SYT16: variants seen among roughly 807,000 people sequenced by gnomAD.
The protein encoded by SYT16 is synaptotagmin-16.
Under a neutral mutation model 61.4 loss-of-function variants are expected in SYT16, and 42 were observed. That is an observed-to-expected ratio of 0.68 (90% CI 0.53 to 0.89). The LOEUF is 0.89. Among genes scored for constraint, SYT16 ranks in the 40% least tolerant of loss-of-function variants. The pLI is 0.00. For synonymous variants in SYT16, 314 were observed against 302.3 expected (o/e 1.04, Z -0.40); for missense variants, 804 against 807.3 (o/e 1.00, Z 0.05).
chr14:62,000,926 A>G (rs906710259), intron 3 of SYT16, among the ~76,000 whole-genome samples: 2 of 152,052 alleles, frequency 1.3e-5, no homozygotes, highest in African/African-American at 4.8e-5. Context: ...ACTATTGGTT[A>G]TCTCTTAGAA....
intron 1 of SYT16, among the ~76,000 whole-genome samples, chr14:61,835,158 A>G (rs537607180): frequency 2.8e-4 from 42 of 152,170 alleles, no homozygotes; most frequent in Non-Finnish European, 4.7e-4. Flanking sequence ...ATAGGCTGCT[A>G]CTTTGAGCAG....
chr14:62,009,939 A>G (rs2053377912), intron 3 of SYT16, among the ~76,000 whole-genome samples: 1 of 152,172 alleles, frequency 6.6e-6, no homozygotes, highest in Non-Finnish European at 1.5e-5. Context: ...TAGGGGTGCT[A>G]GCTGCTTCAT....
intron 2 of SYT16, among the ~76,000 whole-genome samples, chr14:61,978,624 A>C (rs1350036701): frequency 6.6e-6 from 1 of 152,208 alleles, no homozygotes; most frequent in Non-Finnish European, 1.5e-5. Context: ...GTGGAGAACC[A>C]TTGATGAAAA....
At chr14:62,033,936 G>T (rs1344385989) in intron 3 of SYT16, among the ~76,000 whole-genome samples, 1 of 151,776 alleles carries the variant, frequency 6.6e-6, no homozygotes, top group African/African-American at 2.4e-5. Flanking sequence ...AAAGAATGAG[G>T]GAAAGCACTT....
chr14:61,922,306 G>A (rs540088050), intron 1 of SYT16, among the ~76,000 whole-genome samples: 35 of 152,272 alleles, frequency 2.3e-4, no homozygotes, highest in Non-Finnish European at 4.0e-4. Flanking sequence ...TGGCAGATTG[G>A]ATAAAGAAAA....
chr14:61,977,549 T>C (rs1014567548), intron 2 of SYT16, among the ~76,000 whole-genome samples: 6 of 152,118 alleles, frequency 3.9e-5, no homozygotes, highest in Admixed American at 3.3e-4. Flanking sequence ...ACTCACTCAC[T>C]ATCATGAGAA....
At position 62,107,513 on chromosome 14, in the gene SYT16, A is replaced by G. The variant is rs1204010696; in HGVS notation, c.*6806A>G. ...GGGTTGGAGAATGGCAGATGGATAA[A>G]ATAGTTTAAGTTCAACAATATTTTT... On this transcript the variant is annotated 3_prime_UTR_variant, in exon 8 of 8. Transcript: ENST00000683842. 6.6e-6 allele frequency: 1 copy of G among 152,194 alleles called. No individual in the cohort carries two copies. Among genetic ancestry groups the G allele is most frequent in the Non-Finnish European group, 1.5e-5 (1 of 68,022 alleles). 9.4% of individuals were successfully genotyped at this position (152,194 alleles called of 1,614,324 possible). A position where few individuals can be genotyped will look rare whatever the true frequency, so the allele number is the denominator to read the frequency against.
At chr14:61,864,912 G>A in intron 1 of SYT16, 4 of 1,263,470 alleles carry the variant, frequency 3.2e-6, no homozygotes, top group South Asian at 2.4e-5. Context: ...GGGATGCTCC[G>A]TGTCTTAACC....
intron 3 of SYT16, among the ~76,000 whole-genome samples, chr14:62,000,894 C>T (rs182028881): frequency 9.2e-5 from 14 of 152,068 alleles, no homozygotes; most frequent in South Asian, 4.1e-4. Flanking sequence ...ACGTATAATA[C>T]GCTGATACTG....
At chr14:62,078,172 A>ATATATAAACAC (rs2056576554) in intron 5 of SYT16, among the ~76,000 whole-genome samples, 2 of 128,786 alleles carry the variant, frequency 1.6e-5, no homozygotes, top group South Asian at 2.4e-4. Flanking sequence ...TATATATATA[A>ATATATAAACAC]ACACACACAC....
intron 1 of SYT16, among the ~76,000 whole-genome samples, chr14:61,959,428 T>G (rs1168858731): frequency 6.6e-6 from 1 of 152,164 alleles, no homozygotes; most frequent in Non-Finnish European, 1.5e-5. Flanking sequence ...TCTACTGTAC[T>G]TTTTTGTTAT....
rs2057508667 is a variant in SYT16 at position 62,106,128 on chromosome 14, C to T, written c.*5421C>T. 6.6e-6 allele frequency: 1 copy of T among 152,204 alleles called. No homozygotes were observed. Among genetic ancestry groups the T allele is most frequent in the South Asian group, 2.1e-4 (1 of 4,836 alleles). 9.4% of individuals were successfully genotyped at this position (152,204 alleles called of 1,614,324 possible). On this transcript the variant is annotated 3_prime_UTR_variant, in exon 8 of 8. Transcript: ENST00000683842. ...CTGGAGAATTATGTGAAGGTTGTTTCTCATTAATTCAAAATGTATTCATTG... is the reference window on the plus strand; with the variant it reads ...CTGGAGAATTATGTGAAGGTTGTTTTTCATTAATTCAAAATGTATTCATTG...
chr14:62,075,468 T>TAA lies in SYT16; in HGVS notation c.993+91_993+92dup, dbSNP rs35857227. On this transcript the variant is annotated intron_variant, in intron 5 of 7. Coordinates refer to ENST00000683842, the MANE Select transcript of SYT16 (RefSeq NM_001367656.1). ...TTTCCACTCTCCTTTCTCATCTCTC[T>TAA]AAAAAAAAAAAAAAATTCCAGAAAG... 10,890 of 1,153,362 alleles carry TAA rather than the reference T, an allele frequency of 9.4e-3. 5 individuals carry two copies. Among genetic ancestry groups the TAA allele is most frequent in the South Asian group, 0.019 (642 of 33,692 alleles). 71.4% of individuals were successfully genotyped at this position (1,153,362 alleles called of 1,614,324 possible). A position where few individuals can be genotyped will look rare whatever the true frequency, so the allele number is the denominator to read the frequency against.
At chr14:62,087,145 G>T (rs1343013940) in intron 7 of SYT16, among the ~76,000 whole-genome samples, 1 of 152,170 alleles carries the variant, frequency 6.6e-6, no homozygotes, top group Non-Finnish European at 1.5e-5. Flanking sequence ...TACATTTTTA[G>T]TTCCCATATG....
intron 1 of SYT16, among the ~76,000 whole-genome samples, chr14:61,857,827 C>T (rs1005524232): frequency 2.0e-5 from 3 of 151,980 alleles, no homozygotes; most frequent in Non-Finnish European, 4.4e-5. Flanking sequence ...AGCAATTCAT[C>T]TCTAATAAAA....
rs75484414 is a variant in SYT16, at chr14:62,072,962, A to G, written c.737-2173A>G. On this transcript the variant is annotated intron_variant, in intron 4 of 7. Transcript: ENST00000683842. ...GAAGCCAGGATACGTTTCTCTGACA[A>G]CAGGCAATTACTTTTGTGCGTCTAT... 5.4e-4 allele frequency among the ~76,000 whole-genome samples: 82 copies of G among 152,286 alleles called. 3 individuals carry two copies. In the East Asian group the frequency reaches 0.016, roughly 29 times the overall value.
intron 3 of SYT16, among the ~76,000 whole-genome samples, chr14:62,011,128 G>A (rs1179315541): frequency 6.6e-6 from 1 of 152,152 alleles, no homozygotes. Flanking sequence ...CTCAAATTAG[G>A]AATTTCTCGG....
intron 7 of SYT16, among the ~76,000 whole-genome samples, chr14:62,088,683 C>T (rs565683771): frequency 6.6e-6 from 1 of 152,076 alleles, no homozygotes; most frequent in East Asian, 1.9e-4. Flanking sequence ...AAATTTTTAG[C>T]ATTGAAGAGC....
intron 7 of SYT16, among the ~76,000 whole-genome samples, chr14:62,091,792 T>C (rs2057083886): frequency 6.6e-6 from 1 of 152,194 alleles, no homozygotes; most frequent in Non-Finnish European, 1.5e-5. Context: ...GACCTTGGAT[T>C]TGGCAGTGAT....
Sources: gnomAD v4.1 joint callset for allele counts (sites outside exome capture counted in the v4.1 genomes callset) on GRCh38, gnomAD v4.1.1 for gene constraint, MANE v1.5 for transcripts, NCBI Gene and HGNC (gene_info 2026-07-23, HGNC 2026-07-21) for gene names.